The following LMLN variants were observed in gnomAD, a reference collection of about 807,000 sequenced individuals.
LMLN encodes the protein leishmanolysin-like peptidase.
LMLN carries 70 observed loss-of-function variants against 92.3 expected under a neutral mutation model. The observed-to-expected ratio is 0.76, with a 90% CI of 0.63 to 0.92. LMLN has a LOEUF of 0.92. Ranked by LOEUF, LMLN falls within the 40% of genes least tolerant of loss-of-function variation. LMLN has a pLI of 0.00. For missense variants in LMLN, 691 were observed against 814.6 expected, an observed-to-expected ratio of 0.85 and a Z score of 1.85; for synonymous variants, 308 against 296.2, an observed-to-expected ratio of 1.04 and a Z score of -0.41.
chr3:197,975,534 C>A (rs545876661), intron 3 of LMLN, among the ~76,000 whole-genome samples: 1 of 152,156 alleles, frequency 6.6e-6, no homozygotes, highest in South Asian at 2.1e-4. Flanking sequence ...CACATGCACG[C>A]ACACATGCAC....
chr3:197,975,174 A>C, intron 3 of LMLN, 102 bp downstream of exon 3: 1 of 659,948 alleles, frequency 1.5e-6, no homozygotes, highest in Admixed American at 2.6e-5. Flanking sequence ...TTTGTGACTG[A>C]ATGAAAGGTG....
chr3:197,991,026 T>C (rs1209127259), intron 9 of LMLN, among the ~76,000 whole-genome samples: 2 of 152,116 alleles, frequency 1.3e-5, no homozygotes, highest in Non-Finnish European at 2.9e-5. Flanking sequence ...TGTGTGTATA[T>C]ATCTATACAT....
chr3:197,979,260 T>C (rs1190775269), intron 5 of LMLN, among the ~76,000 whole-genome samples: 1 of 152,188 alleles, frequency 6.6e-6, no homozygotes, highest in Non-Finnish European at 1.5e-5. Flanking sequence ...CCTCTACAAG[T>C]ATTGCTTACA....
At position 198,038,660 on chromosome 3, in the gene LMLN, G is replaced by A. The variant is rs1157856570; in HGVS notation, c.1961G>A (p.Trp654Ter). The stretch of plus-strand genomic sequence containing the variant: ...CTGGCTGGATTTCTTCTGTGTATAT[G>A]GCACTAGGAATGGAAAAGTGGATCT... The change falls in exon 16 of 16, where the codon TGG (tryptophan) becomes TAG (stop). Residue 654 changes from tryptophan to a stop codon, truncating the protein, a stop_gained. Coordinates refer to ENST00000330198, the Ensembl canonical transcript of LMLN. LOFTEE classifies it high-confidence loss of function. The A allele has an allele frequency of 3.1e-6, 5 of 1,607,798 alleles. No homozygotes were observed. Among genetic ancestry groups the A allele is most frequent in the South Asian group, 1.1e-5 (1 of 90,938 alleles).
intron 9 of LMLN, among the ~76,000 whole-genome samples, chr3:197,995,517 C>T (rs1286121746): frequency 2.6e-5 from 4 of 152,166 alleles, no homozygotes; most frequent in Non-Finnish European, 4.4e-5. Context: ...TCACATTTCA[C>T]ATGTGACATC....
intron 15 of LMLN, chr3:198,038,344 A>T: frequency 4.4e-6 from 2 of 450,474 alleles, no homozygotes; most frequent in South Asian, 3.2e-5. Flanking sequence ...CCATTTTTTA[A>T]CCTTGACATA....
intron 11 of LMLN, among the ~76,000 whole-genome samples, chr3:198,008,434 T>C (rs1476239714): frequency 6.6e-6 from 1 of 152,186 alleles, no homozygotes; most frequent in Non-Finnish European, 1.5e-5. Context: ...TGATTTAAAT[T>C]ATTATTTATG....
At chr3:198,022,266 T>G (rs1160474884) in intron 13 of LMLN, among the ~76,000 whole-genome samples, 2 of 152,208 alleles carry the variant, frequency 1.3e-5, no homozygotes, top group Non-Finnish European at 2.9e-5. Context: ...GAACAAGATA[T>G]CAAAGGAATA....
intron 15 of LMLN, among the ~76,000 whole-genome samples, chr3:198,036,575 G>A (rs879496209): frequency 1.3e-5 from 2 of 152,070 alleles, no homozygotes; most frequent in African/African-American, 2.4e-5. Flanking sequence ...CCGAGTGCTC[G>A]TTCTGTGAGA....
intron 8 of LMLN, among the ~76,000 whole-genome samples, chr3:197,987,917 T>C (rs144907238): frequency 0.065 from 9,829 of 152,252 alleles, 376 homozygotes; most frequent in African/African-American, 0.1. Flanking sequence ...AGGACTATAG[T>C]GAGGTTTTAG....
At chr3:197,992,371 A>G (rs770586917) in intron 9 of LMLN, among the ~76,000 whole-genome samples, 4 of 152,156 alleles carry the variant, frequency 2.6e-5, no homozygotes, top group Non-Finnish European at 4.4e-5. Flanking sequence ...TCTGGCCAGA[A>G]TAGATTTTTT....
chr3:197,974,953 G>T (rs1721326955), intron 2 of LMLN, 89 bp from the exon 3 acceptor site: 2 of 843,266 alleles, frequency 2.4e-6, no homozygotes, highest in Non-Finnish European at 4.0e-6. Context: ...CCCAAGGCCT[G>T]CTGGTTGCCC....
At chr3:197,972,022 G>A (rs1386535812) in intron 1 of LMLN, among the ~76,000 whole-genome samples, 3 of 130,632 alleles carry the variant, frequency 2.3e-5, no homozygotes, top group African/African-American at 8.7e-5. Context: ...CTATCTTCAA[G>A]TTCACTGATG....
intron 5 of LMLN, among the ~76,000 whole-genome samples, chr3:197,979,498 T>C (rs1427421718): frequency 2.6e-5 from 4 of 152,184 alleles, no homozygotes; most frequent in African/African-American, 9.6e-5. Flanking sequence ...CTGGTCAATA[T>C]AGTGAGACCC....
chr3:197,983,859 C>T (rs1274715370), intron 6 of LMLN, 84 bp from the exon 7 acceptor site: 2 of 884,058 alleles, frequency 2.3e-6, no homozygotes, highest in Non-Finnish European at 3.6e-6. Context: ...TTTTTCTGTC[C>T]TTGAGCAGTA....
intron 10 of LMLN, among the ~76,000 whole-genome samples, chr3:197,998,081 C>A (rs997843045): frequency 2.6e-5 from 4 of 152,222 alleles, no homozygotes; most frequent in Non-Finnish European, 5.9e-5. Flanking sequence ...CCAGGCATTC[C>A]TCTTGGGCTC....
intron 8 of LMLN, among the ~76,000 whole-genome samples, chr3:197,988,284 G>GC (rs1721768278): frequency 6.6e-6 from 1 of 150,554 alleles, no homozygotes; most frequent in Non-Finnish European, 1.5e-5. Flanking sequence ...GTACCCCGAT[G>GC]TTTTTTTCTT....
At chr3:197,961,113 C>G (rs1211895580) in intron 1 of LMLN, among the ~76,000 whole-genome samples, 5 of 152,198 alleles carry the variant, frequency 3.3e-5, no homozygotes, top group African/African-American at 1.2e-4. Context: ...GCGCAATATT[C>G]TTTTCATTAA....
At chr3:198,029,243 T>C (rs1355491867) in intron 14 of LMLN, among the ~76,000 whole-genome samples, 1 of 152,234 alleles carries the variant, frequency 6.6e-6, no homozygotes, top group African/African-American at 2.4e-5. Flanking sequence ...GTTCAAGCCA[T>C]TATCACTTCA....
Sources: allele counts gnomAD v4.1 joint callset (sites outside exome capture counted in the v4.1 genomes callset), GRCh38; gene constraint gnomAD v4.1.1; transcripts MANE v1.5; gene names NCBI Gene and HGNC (gene_info 2026-07-23, HGNC 2026-07-21).